Variants in GALNT10 observed in about 807,000 individuals in gnomAD.
GALNT10 encodes GalNAc transferase 10.
In GALNT10, 41 loss-of-function variants were observed where a neutral mutation model predicts 75.0. That is an observed-to-expected ratio of 0.55 (90% CI 0.43 to 0.71). The LOEUF is 0.71. GALNT10 is among the 30% of genes least tolerant of loss of function. The pLI, the probability that GALNT10 is intolerant of heterozygous loss-of-function variation, is 0.00. For missense variants in GALNT10, 727 were observed against 818.5 expected (o/e 0.89, Z 1.36); for synonymous variants, 302 against 313.0 (o/e 0.96, Z 0.37).
Position 154,352,287 on chromosome 5 carries a change from A to G in GALNT10, c.568+22549A>G, listed in dbSNP as rs1238274307. 1.3e-5 allele frequency among the ~76,000 whole-genome samples: 2 copies of G among 152,056 alleles called. No homozygotes were observed. The highest frequency in any genetic ancestry group is 2.9e-5 in the Non-Finnish European group (2 of 67,992). On this transcript the variant is annotated intron_variant, in intron 4 of 11. Transcript: ENST00000297107. The surrounding 1 kb of genome is among the most constrained non-coding windows in gnomAD (Gnocchi z 4.4). ...TACTCTTCCACACCCCAAACTCAAC[A>G]CGGCCCACTGGTGGGAATAACTGAG...
intron 1 of GALNT10, among the ~76,000 whole-genome samples, chr5:154,250,054 A>G (rs1406335375): frequency 6.6e-6 from 1 of 152,198 alleles, no homozygotes; most frequent in Non-Finnish European, 1.5e-5. Flanking sequence ...GCAACTGTTC[A>G]ATTTTATTTC....
At chr5:154,201,798 G>T (rs967394512) in intron 1 of GALNT10, among the ~76,000 whole-genome samples, 1 of 152,006 alleles carries the variant, frequency 6.6e-6, no homozygotes, top group African/African-American at 2.4e-5. Flanking sequence ...GTGTAGTGGC[G>T]CACTCCTGTA....
chr5:154,278,520 T>G (rs1753986447), intron 1 of GALNT10, among the ~76,000 whole-genome samples: 1 of 152,230 alleles, frequency 6.6e-6, no homozygotes, highest in South Asian at 2.1e-4. Flanking sequence ...ATTGGCTTTT[T>G]TAGAGGGGAG....
rs957802877 is a variant in GALNT10 at position 154,409,435 on chromosome 5, A to G, written c.1165-106A>G. ...GTGGGGCTGGGATTTTTGATGGAAC[A>G]TAAAATAAGAAGGGTTGACCTCGAC... is the stretch of plus-strand genomic sequence containing the variant. On this transcript the variant is annotated intron_variant, in intron 8 of 11. Coordinates refer to ENST00000297107, the MANE Select transcript of GALNT10 (RefSeq NM_198321.4). This position sits in a 1 kb window ranked among gnomAD's most constrained non-coding sequence, Gnocchi z 4.5. The G allele has an allele frequency of 3.8e-6, 3 of 796,742 alleles. No homozygotes were observed. The highest frequency in any genetic ancestry group is 6.8e-6 in the Non-Finnish European group (3 of 439,116). 49.4% of individuals were successfully genotyped at this position (796,742 alleles called of 1,614,324 possible).
intron 4 of GALNT10, among the ~76,000 whole-genome samples, chr5:154,341,488 T>C (rs8180481): frequency 0.41 from 63,039 of 152,148 alleles, 15,362 homozygotes; most frequent in East Asian, 0.62. Flanking sequence ...CTATGCTTTC[T>C]GTCCAGTCTT....
At chr5:154,221,229 G>T (rs1190584265) in intron 1 of GALNT10, among the ~76,000 whole-genome samples, 1 of 152,228 alleles carries the variant, frequency 6.6e-6, no homozygotes, top group African/African-American at 2.4e-5. Flanking sequence ...GGGTACGTGG[G>T]TGAATAGGTA....
intron 4 of GALNT10, among the ~76,000 whole-genome samples, chr5:154,332,665 G>A (rs1754885080): frequency 6.6e-6 from 1 of 152,146 alleles, no homozygotes; most frequent in Non-Finnish European, 1.5e-5. Flanking sequence ...AGGAGGGAGG[G>A]AGGAAATGTA....
chr5:154,296,247 A>T (rs1273589114), intron 2 of GALNT10, among the ~76,000 whole-genome samples: 1 of 152,032 alleles, frequency 6.6e-6, no homozygotes, highest in Non-Finnish European at 1.5e-5. Context: ...CCACCACACC[A>T]GGCTAATTTT....
At chr5:154,357,591 A>T (rs1755315826) in intron 4 of GALNT10, among the ~76,000 whole-genome samples, 1 of 152,096 alleles carries the variant, frequency 6.6e-6, no homozygotes, top group Non-Finnish European at 1.5e-5. Context: ...CTTCAAAATA[A>T]TTTTTTAAAA....
intron 4 of GALNT10, among the ~76,000 whole-genome samples, chr5:154,350,119 C>A (rs1755184807): frequency 6.6e-6 from 1 of 152,186 alleles, no homozygotes; most frequent in Non-Finnish European, 1.5e-5. Flanking sequence ...AACATTTAGT[C>A]CCTGGCTGCT....
intron 4 of GALNT10, chr5:154,356,115 G>GA (rs1275750752): frequency 6.6e-6 from 3 of 456,066 alleles, no homozygotes; most frequent in Non-Finnish European, 1.3e-5. Context: ...GAATCAGAAA[G>GA]GTGTCTCCAG....
chr5:154,253,944 T>A (rs1018265178), intron 1 of GALNT10, among the ~76,000 whole-genome samples: 2 of 152,024 alleles, frequency 1.3e-5, no homozygotes, highest in African/African-American at 4.8e-5. Flanking sequence ...GGTGGCCCCG[T>A]CCCCTTCAGA....
chr5:154,208,287 G>T (rs553998688), intron 1 of GALNT10, among the ~76,000 whole-genome samples: 8 of 152,232 alleles, frequency 5.3e-5, no homozygotes, highest in Non-Finnish European at 7.4e-5. Flanking sequence ...GCATGCCATA[G>T]GTGGAGTGAG....
chr5:154,320,794 AG>A (rs1754661167), intron 3 of GALNT10, among the ~76,000 whole-genome samples: 1 of 152,200 alleles, frequency 6.6e-6, no homozygotes, highest in Non-Finnish European at 1.5e-5. Flanking sequence ...GAGGATGTGA[AG>A]GAAGTCTGGA....
At chr5:154,350,012 G>T (rs1022881520) in intron 4 of GALNT10, among the ~76,000 whole-genome samples, 1 of 152,194 alleles carries the variant, frequency 6.6e-6, no homozygotes, top group South Asian at 2.1e-4. Flanking sequence ...CTCAATAGCC[G>T]TATGTAACTG....
chr5:154,257,078 C>A (rs576647772), intron 1 of GALNT10, among the ~76,000 whole-genome samples: 1 of 151,724 alleles, frequency 6.6e-6, no homozygotes, highest in Non-Finnish European at 1.5e-5. Flanking sequence ...AGTTTGAGAC[C>A]AGTTGGGGCA....
At chr5:154,264,863 GA>G (rs1306691007) in intron 1 of GALNT10, among the ~76,000 whole-genome samples, 14 of 152,270 alleles carry the variant, frequency 9.2e-5, no homozygotes, top group Admixed American at 7.8e-4. Flanking sequence ...GAGAGTGCCT[GA>G]AATCTACAGC....
chr5:154,314,911 A>C (rs1304175215), intron 3 of GALNT10, among the ~76,000 whole-genome samples: 1 of 152,078 alleles, frequency 6.6e-6, no homozygotes, highest in Non-Finnish European at 1.5e-5. Context: ...CAGAGCATAG[A>C]GATGGTGAAG....
chr5:154,311,902 G>A lies in GALNT10; in HGVS notation c.401+13823G>A, dbSNP rs866873250. ...GCTGAAATTACAGGCATGAGCCACC[G>A]TACCCGGTGGAGGGAAACGTTTTTA... On this transcript the variant is annotated intron_variant, in intron 3 of 11. Coordinates refer to ENST00000297107, the MANE Select transcript of GALNT10 (RefSeq NM_198321.4). 2.4e-4 allele frequency among the ~76,000 whole-genome samples: 37 copies of A among 152,116 alleles called. 1 individual carries two copies. Among genetic ancestry groups the A allele is most frequent in the South Asian group, 1.9e-3 (9 of 4,824 alleles).
Sources: gnomAD v4.1 joint callset for allele counts (sites outside exome capture counted in the v4.1 genomes callset) on GRCh38, gnomAD v4.1.1 for gene constraint, Gnocchi (gnomAD v3.1) non-coding constraint, MANE v1.5 for transcripts, NCBI Gene and HGNC (gene_info 2026-07-23, HGNC 2026-07-21) for gene names.